The following SPG11 variants were observed in gnomAD, a reference collection of about 807,000 sequenced individuals.
The protein encoded by SPG11 is SPG11 vesicle trafficking associated, spatacsin, also known as spatacsin.
Under a neutral mutation model 274.0 loss-of-function variants are expected in SPG11, and 222 were observed. That is an observed-to-expected ratio of 0.81 (90% CI 0.73 to 0.91). The LOEUF (loss-of-function observed/expected upper bound fraction) is 0.91, where lower values mean the gene tolerates loss of function less well. SPG11 is among the 40% of genes least tolerant of loss of function. The probability of loss-of-function intolerance (pLI) is 0.00; values close to 1 mark genes in which losing one functional copy is unlikely to be tolerated. For missense variants in SPG11, 3,114 were observed against 2,872.7 expected (o/e 1.08, Z -1.92); for synonymous variants, 1,144 against 1,039.7 (o/e 1.10, Z -1.93).
In SPG11 at chr15:44,589,386, G is replaced by A. The variant is rs1446065503; in HGVS notation, c.4772C>T (p.Pro1591Leu). 5.0e-6 allele frequency: 8 copies of A among 1,614,006 alleles called. No homozygotes were observed. The highest frequency in any genetic ancestry group is 6.8e-6 in the Non-Finnish European group (8 of 1,179,960). Reference sequence around the variant, plus strand: ...CTCCAGCCACATGGCAGGGATGACAGGGTGGACCTTTGTGGCTGCTGTGTT... The same window carrying A: ...CTCCAGCCACATGGCAGGGATGACAAGGTGGACCTTTGTGGCTGCTGTGTT... ...TLNTAATKVH[P>L]VIPAMWLEDQ... Residue 1591 changes from proline to leucine, a missense_variant, in exon 28 of 40, where the codon CCT becomes CTT. Physicochemically the swap from Pro to Leu is moderately conservative, Grantham distance 98. Transcript: ENST00000261866.
chr15:44,600,522 C>A lies in SPG11; in HGVS notation c.3631G>T (p.Ala1211Ser). 2 of 1,614,154 alleles carry A rather than the reference C, an allele frequency of 1.2e-6. No homozygotes were observed. Among genetic ancestry groups the A allele is most frequent in the East Asian group, 2.2e-5 (1 of 44,874 alleles). Residue 1211 changes from alanine to serine, a missense_variant, in exon 21 of 40, where the codon GCA (alanine) becomes TCA (serine). By Grantham distance (99) the Ala-to-Ser change is moderately conservative. Transcript: ENST00000261866. ...YYLHNGRPSF[A>S]FGTFLVQELI... is the part of the protein sequence containing the mutation. Reference sequence around the variant, plus strand: ...TCCTGGACCAGAAAAGTACCAAATGCAAATGATGGCCGCCCATTATGTAAA... The same window carrying A: ...TCCTGGACCAGAAAAGTACCAAATGAAAATGATGGCCGCCCATTATGTAAA...
intron 1 of SPG11, among the ~76,000 whole-genome samples, chr15:44,661,701 G>A (rs1414904119): frequency 6.6e-6 from 1 of 151,936 alleles, no homozygotes; most frequent in Non-Finnish European, 1.5e-5. Flanking sequence ...GTTAAACTAA[G>A]ATATACTTAA....
intron 30 of SPG11, among the ~76,000 whole-genome samples, chr15:44,579,299 T>A (rs1595836810): frequency 6.6e-6 from 1 of 150,984 alleles, no homozygotes; most frequent in East Asian, 2.0e-4. Flanking sequence ...CCGAGGTGGG[T>A]GGATCACCTG....
Position 44,590,603 on chromosome 15 carries a change from T to C in SPG11, c.4744-1189A>G, listed in dbSNP as rs933517784. 9.9e-5 allele frequency: 15 copies of C among 152,282 alleles called. 1 individual carries two copies. The highest frequency in any genetic ancestry group is 7.8e-4 in the Admixed American group (12 of 15,290). 9.4% of individuals were successfully genotyped at this position (152,282 alleles called of 1,614,324 possible). On this transcript the variant is annotated intron_variant, in intron 27 of 39. Transcript: ENST00000261866. Reference sequence around the variant, plus strand: ...GCTTCTTTTGTGACTTCATTCCTGATTTTTACTTTGGTTCTTGCTTCGTAT... The same window carrying C: ...GCTTCTTTTGTGACTTCATTCCTGACTTTTACTTTGGTTCTTGCTTCGTAT...
intron 4 of SPG11, among the ~76,000 whole-genome samples, chr15:44,654,569 T>C (rs1476282295): frequency 6.6e-6 from 1 of 152,088 alleles, no homozygotes; most frequent in South Asian, 2.1e-4. Context: ...CTGGGCGCGG[T>C]GGCTCACGCC....
intron 37 of SPG11, 77 bp downstream of exon 37, chr15:44,566,140 A>G: frequency 6.3e-7 from 1 of 1,594,508 alleles, no homozygotes; most frequent in Non-Finnish European, 8.6e-7. Flanking sequence ...ACCTGGAAAG[A>G]GCCCAAGGAC....
In SPG11 at chr15:44,642,838, C is replaced by T. The variant is rs141270636; in HGVS notation, c.1602+6028G>A. On this transcript the variant is annotated intron_variant, in intron 7 of 39. Transcript: ENST00000261866. ...TGAACTATGATCACACTACTGCACTCCAACCTGGGTGACAGAGCAAGACCC... is the reference window on the plus strand; with the variant it reads ...TGAACTATGATCACACTACTGCACTTCAACCTGGGTGACAGAGCAAGACCC... Among the ~76,000 whole-genome samples, 640 of 152,186 alleles carry T rather than the reference C, an allele frequency of 4.2e-3. 4 individuals are homozygous for T. The highest frequency in any genetic ancestry group is 0.015 in the African/African-American group (620 of 41,532).
intron 29 of SPG11, 67 bp downstream of exon 29, chr15:44,585,569 T>C (rs2082741869): frequency 2.2e-6 from 3 of 1,366,800 alleles, no homozygotes; most frequent in Non-Finnish European, 3.0e-6. Flanking sequence ...GCCACTGCAC[T>C]CCAGCCTGGG....
chr15:44,648,074 C>T (rs770924957), intron 7 of SPG11, among the ~76,000 whole-genome samples: 2 of 152,168 alleles, frequency 1.3e-5, no homozygotes, highest in African/African-American at 2.4e-5. Context: ...GTTTCTTCAT[C>T]TGTAAAATAA....
intron 4 of SPG11, among the ~76,000 whole-genome samples, chr15:44,653,592 TAGTTC>T (rs139017671): frequency 0.014 from 2,145 of 152,226 alleles, 47 homozygotes; most frequent in East Asian, 0.037. Context: ...ACTATTAAAA[TAGTTC>T]AGTTAAGAGA....
chr15:44,624,665 C>T (rs2083848294), intron 11 of SPG11, among the ~76,000 whole-genome samples: 1 of 152,078 alleles, frequency 6.6e-6, no homozygotes, highest in Admixed American at 6.6e-5. Context: ...GAGAGTAGAT[C>T]TCAAGTGTTC....
intron 1 of SPG11, among the ~76,000 whole-genome samples, chr15:44,662,144 ATAACT>A (rs1272535674): frequency 1.3e-5 from 2 of 152,218 alleles, no homozygotes; most frequent in African/African-American, 2.4e-5. Context: ...TAGTTTATAA[ATAACT>A]TAGTTTATAA....
In SPG11 at chr15:44,621,763, T is replaced by C. The variant is rs905128570; in HGVS notation, c.2616A>G (p.Pro872=). 10 of 1,613,872 alleles carry C rather than the reference T, an allele frequency of 6.2e-6. No individual in the cohort carries two copies. Among genetic ancestry groups the C allele is most frequent in the Non-Finnish European group, 7.6e-6 (9 of 1,179,920 alleles). The change falls in exon 14 of 40, where the codon CCA becomes CCG. Residue 872 remains proline (P), a synonymous_variant. Coordinates refer to ENST00000261866, the MANE Select transcript of SPG11 (RefSeq NM_025137.4). The part of the protein sequence containing the change: ...QESILLPRIS[P]EEYKSYSPEA... Reference sequence around the variant, plus strand: ...TTCAGGCTCTCTCACACTTGCCTTCTGGACTTATCCTGGGGAGAAGGATGG... The same window carrying C: ...TTCAGGCTCTCTCACACTTGCCTTCCGGACTTATCCTGGGGAGAAGGATGG...
intron 6 of SPG11, among the ~76,000 whole-genome samples, chr15:44,650,624 TAAA>T (rs201279968): frequency 8.0e-6 from 1 of 125,658 alleles, no homozygotes; most frequent in African/African-American, 2.9e-5. Context: ...ACACTCTGCC[TAAA>T]AAAAAAAAAA....
At position 44,569,508 on chromosome 15, in the gene SPG11, GT is replaced by G. The variant is rs779032507; in HGVS notation, c.6478-4del. Reference sequence around the variant, plus strand: ...CCAATGCCAGTGAGGAGCCGTACCTGTGAAGTGGGAGGACAGCTCGCATCAG... The same window carrying G: ...CCAATGCCAGTGAGGAGCCGTACCTGGAAGTGGGAGGACAGCTCGCATCAG... On this transcript the variant is annotated splice_region_variant and splice_polypyrimidine_tract_variant and intron_variant, in intron 34 of 39. Transcript: ENST00000261866. The G allele has an allele frequency of 8.4e-5, 132 of 1,580,020 alleles. No homozygotes were observed. Among genetic ancestry groups the G allele is most frequent in the Non-Finnish European group, 1.1e-4 (124 of 1,160,990 alleles).
chr15:44,644,327 A>G (rs956312932), intron 7 of SPG11, among the ~76,000 whole-genome samples: 8 of 152,200 alleles, frequency 5.3e-5, no homozygotes, highest in African/African-American at 1.9e-4. Context: ...AACAGAAGTA[A>G]AAACAAAAAC....
chr15:44,570,168 G>C (rs1230493729), intron 34 of SPG11, among the ~76,000 whole-genome samples: 1 of 152,188 alleles, frequency 6.6e-6, no homozygotes, highest in African/African-American at 2.4e-5. Context: ...TGGGAACTGA[G>C]TTGCCGACTT....
rs1463722996 is a variant in SPG11 at position 44,622,758 on chromosome 15, A to G, written c.2286T>C (p.Tyr762=). The change falls in exon 12 of 40, where the codon TAT becomes TAC. Residue 762 remains tyrosine, a synonymous_variant. Coordinates refer to ENST00000261866, the MANE Select transcript of SPG11 (RefSeq NM_025137.4). ...VKGQLLKICF[Y]TTNKNIRDFL... is the part of the protein sequence containing the mutation. Reference sequence around the variant, plus strand: ...AGTCACGTATATTTTTATTAGTTGTATAGAAGCAGATCTTGAGCAATTGGC... The same window carrying G: ...AGTCACGTATATTTTTATTAGTTGTGTAGAAGCAGATCTTGAGCAATTGGC... The G allele has an allele frequency of 6.2e-7, 1 of 1,613,816 alleles. No individual in the cohort carries two copies. Among genetic ancestry groups the G allele is most frequent in the Admixed American group, 1.7e-5 (1 of 60,020 alleles).
In SPG11 at chr15:44,640,043, T is replaced by C. The variant is rs533040657; in HGVS notation, c.1603-6406A>G. Among the ~76,000 whole-genome samples, 4 of 152,162 alleles carry C rather than the reference T, an allele frequency of 2.6e-5. No homozygotes were observed. The East Asian group carries it at 7.7e-4, about 29-fold the overall frequency. On this transcript the variant is annotated intron_variant, in intron 7 of 39. Coordinates refer to ENST00000261866, the MANE Select transcript of SPG11 (RefSeq NM_025137.4). ...GGCTAACACAGTGAAACCCCGTCTC[T>C]ACTAAAAATACAAAAAATTAGCCAG...
Sources: gnomAD v4.1 joint callset for allele counts (sites outside exome capture counted in the v4.1 genomes callset) on GRCh38, gnomAD v4.1.1 for gene constraint, MANE v1.5 for transcripts, NCBI Gene and HGNC (gene_info 2026-07-23, HGNC 2026-07-21) for gene names.